The following OSTF1 variants were observed in gnomAD, a reference collection of about 807,000 sequenced individuals.
The protein encoded by OSTF1 is osteoclast stimulating factor 1.
OSTF1 carries 27 observed loss-of-function variants against 37.2 expected under a neutral mutation model. That is an observed-to-expected ratio of 0.73 (90% CI 0.54 to 1.00). OSTF1 has a LOEUF of 1.00. Ranked by LOEUF, OSTF1 falls within the 50% of genes least tolerant of loss-of-function variation. OSTF1 has a pLI of 0.00. For synonymous variants in OSTF1, 82 were observed against 89.2 expected, an observed-to-expected ratio of 0.92 and a Z score of 0.46; for missense variants, 232 against 253.8, an observed-to-expected ratio of 0.91 and a Z score of 0.58.
At chr9:75,106,190 G>A (rs920099964) in intron 1 of OSTF1, among the ~76,000 whole-genome samples, 1 of 152,122 alleles carries the variant, frequency 6.6e-6, no homozygotes, top group Admixed American at 6.5e-5. Context: ...TTCTTTAAAG[G>A]TATATGTGCA....
intron 5 of OSTF1, among the ~76,000 whole-genome samples, chr9:75,132,972 T>TACACACACACACAC (rs57913558): frequency 1.7e-5 from 1 of 60,222 alleles, no homozygotes; most frequent in African/African-American, 4.0e-5. Flanking sequence ...TACACACACA[T>TACACACACACACAC]ACACACACAC....
intron 2 of OSTF1, among the ~76,000 whole-genome samples, chr9:75,126,855 T>G (rs1002260666): frequency 6.6e-6 from 1 of 152,176 alleles, no homozygotes; most frequent in Non-Finnish European, 1.5e-5. Flanking sequence ...TCTCCCAAAG[T>G]GCTGGGATTA....
intron 1 of OSTF1, among the ~76,000 whole-genome samples, chr9:75,098,069 G>C (rs1181093319): frequency 6.6e-6 from 1 of 152,048 alleles, no homozygotes; most frequent in Non-Finnish European, 1.5e-5. Flanking sequence ...TGTTGCTCAG[G>C]CTAGTTTCTT....
At chr9:75,096,021 G>A (rs540140661) in intron 1 of OSTF1, among the ~76,000 whole-genome samples, 50 of 152,026 alleles carry the variant, frequency 3.3e-4, no homozygotes, top group Non-Finnish European at 5.6e-4. Context: ...CCTCCTGAGT[G>A]GCTGGGACTG....
chr9:75,122,204 G>A (rs895180551), intron 2 of OSTF1, among the ~76,000 whole-genome samples: 1 of 152,204 alleles, frequency 6.6e-6, no homozygotes, highest in Non-Finnish European at 1.5e-5. Flanking sequence ...GATTTCCAAA[G>A]GGAAACCAGC....
chr9:75,099,306 C>A lies in OSTF1; in HGVS notation c.34+10580C>A, dbSNP rs1825148387. On this transcript the variant is annotated intron_variant, in intron 1 of 9. Coordinates refer to ENST00000346234, the MANE Select transcript of OSTF1 (RefSeq NM_012383.5). ...TAAGAAAAGGTCTTGTTCTGTCGCC[C>A]AGGCTGGAGTGCATGGCTCACTGCA... 3.3e-5 allele frequency among the ~76,000 whole-genome samples: 5 copies of A among 151,688 alleles called. No homozygotes were observed. The South Asian group carries it at 1.0e-3, about 32-fold the overall frequency.
At chr9:75,127,460 G>A (rs2118561551) in intron 2 of OSTF1, 109 bp from the exon 3 acceptor site, 1 of 568,616 alleles carries the variant, frequency 1.8e-6, no homozygotes, top group South Asian at 2.7e-5. Context: ...GCTGATTTAA[G>A]TGTATAAAAC....
rs1158728879 is a variant in OSTF1 at position 75,146,754 on chromosome 9, G to A, written c.*13G>A. ...AGACTCAGATTAATTCCTTTCTGGA[G>A]CTTTGAGATCTAAAACTTCTGTTGC... On this transcript the variant is annotated 3_prime_UTR_variant, in exon 10 of 10. Transcript: ENST00000346234. The A allele has an allele frequency of 6.3e-7, 1 of 1,584,310 alleles. No homozygotes were observed. Among genetic ancestry groups the A allele is most frequent in the Admixed American group, 1.8e-5 (1 of 57,084 alleles).
At chr9:75,094,556 G>A (rs747060449) in intron 1 of OSTF1, among the ~76,000 whole-genome samples, 3 of 151,928 alleles carry the variant, frequency 2.0e-5, no homozygotes, top group Admixed American at 1.3e-4. Context: ...TTTGACTTAC[G>A]TGACTAGTGC....
At chr9:75,096,236 C>T (rs1025806381) in intron 1 of OSTF1, among the ~76,000 whole-genome samples, 13 of 152,276 alleles carry the variant, frequency 8.5e-5, no homozygotes, top group African/African-American at 2.9e-4. Flanking sequence ...CACTTTATGT[C>T]TGTGCATCTG....
chr9:75,120,571 C>A (rs1825563602), intron 2 of OSTF1, among the ~76,000 whole-genome samples: 1 of 152,126 alleles, frequency 6.6e-6, no homozygotes, highest in African/African-American at 2.4e-5. Context: ...GCTTCGTTGT[C>A]TTCGCCTTTG....
At chr9:75,138,450 A>C (rs1443237906) in intron 8 of OSTF1, among the ~76,000 whole-genome samples, 1 of 152,210 alleles carries the variant, frequency 6.6e-6, no homozygotes, top group Admixed American at 6.6e-5. Context: ...GCCACTAGCC[A>C]CGTGCACAAC....
Position 75,088,682 on chromosome 9 carries a change from C to A in OSTF1, c.-11C>A, listed in dbSNP as rs1317185247. The stretch of plus-strand genomic sequence containing the variant: ...GCGGGGTCTTTAGGATTTGCAGCTC[C>A]AGGAAGCGAGATGTCGAAGCCGCCA... On this transcript the variant is annotated 5_prime_UTR_variant, in exon 1 of 10. Transcript: ENST00000346234. The A allele has an allele frequency of 6.2e-7, 1 of 1,607,920 alleles. No individual in the cohort carries two copies. The highest frequency in any genetic ancestry group is 1.1e-5 in the South Asian group (1 of 90,256).
intron 2 of OSTF1, among the ~76,000 whole-genome samples, chr9:75,125,487 T>C (rs756660791): frequency 6.6e-6 from 1 of 152,216 alleles, no homozygotes; most frequent in Non-Finnish European, 1.5e-5. Context: ...TAAAAACTTA[T>C]TTCAAATAAT....
intron 1 of OSTF1, among the ~76,000 whole-genome samples, chr9:75,110,463 AAT>A (rs1347036934): frequency 1.3e-5 from 2 of 152,172 alleles, no homozygotes; most frequent in Non-Finnish European, 2.9e-5. Context: ...CCATTGTCTG[AAT>A]ACACCACAGT....
At chr9:75,112,649 A>G (rs1406919814) in intron 1 of OSTF1, among the ~76,000 whole-genome samples, 1 of 152,234 alleles carries the variant, frequency 6.6e-6, no homozygotes, top group Non-Finnish European at 1.5e-5. Flanking sequence ...GAACATTTTA[A>G]GTAATATGAT....
chr9:75,105,669 C>A (rs1008260757), intron 1 of OSTF1, among the ~76,000 whole-genome samples: 2 of 151,598 alleles, frequency 1.3e-5, no homozygotes, highest in African/African-American at 4.9e-5. Flanking sequence ...GGACAGAGAT[C>A]ATTTTCTTCC....
intron 7 of OSTF1, among the ~76,000 whole-genome samples, chr9:75,134,598 C>G (rs762517743): frequency 2.0e-5 from 3 of 152,216 alleles, no homozygotes; most frequent in African/African-American, 4.8e-5. Context: ...GCTTTTAGCT[C>G]TTTCTTCCTG....
At chr9:75,093,896 CAT>C (rs1825026386) in intron 1 of OSTF1, among the ~76,000 whole-genome samples, 1 of 152,298 alleles carries the variant, frequency 6.6e-6, no homozygotes, top group South Asian at 2.1e-4. Context: ...GAATGGTTAA[CAT>C]ATATTTGGCC....
Sources: allele counts gnomAD v4.1 joint callset (sites outside exome capture counted in the v4.1 genomes callset), GRCh38; gene constraint gnomAD v4.1.1; transcripts MANE v1.5; gene names NCBI Gene and HGNC (gene_info 2026-07-23, HGNC 2026-07-21).